PUM1: variants seen among roughly 807,000 people sequenced by gnomAD.
PUM1 encodes the protein pumilio RNA binding family member 1.
A neutral mutation model predicts 131.8 loss-of-function variants in PUM1; 13 were observed. The ratio of observed to expected loss-of-function variants is 0.10; its 90% CI spans 0.06 to 0.16. PUM1 has a LOEUF of 0.16. Among genes scored for constraint, PUM1 ranks in the 10% least tolerant of loss-of-function variants. The pLI is 1.00. For synonymous variants in PUM1, 509 were observed against 556.5 expected (o/e 0.91, Z 1.20); for missense variants, 961 against 1,512.4 (o/e 0.64, Z 6.05).
chr1:30,997,221 T>C (rs556373854), intron 5 of PUM1, among the ~76,000 whole-genome samples: 3 of 152,084 alleles, frequency 2.0e-5, no homozygotes, highest in East Asian at 1.9e-4. Context: ...TAGGCAAAAA[T>C]GGAAAGAAAG....
chr1:31,033,383 T>C (rs1251517166), intron 2 of PUM1, among the ~76,000 whole-genome samples: 7 of 64,868 alleles, frequency 1.1e-4, no homozygotes, highest in African/African-American at 3.3e-4. Flanking sequence ...TTTCTTTTTT[T>C]TTTTTTTTTT....
At chr1:30,977,166 T>C (rs1048990192) in intron 9 of PUM1, among the ~76,000 whole-genome samples, 1 of 152,190 alleles carries the variant, frequency 6.6e-6, no homozygotes, top group Admixed American at 6.5e-5. Context: ...TACTTTTCCT[T>C]TGGGGATGCT....
At chr1:30,935,612 C>A in intron 21 of PUM1, 1 of 456,728 alleles carries the variant, frequency 2.2e-6, no homozygotes, top group Non-Finnish European at 4.4e-6. Context: ...ACTCCCCCAG[C>A]CTTCAACTGC....
intron 3 of PUM1, among the ~76,000 whole-genome samples, chr1:31,010,318 G>C (rs968636139): frequency 2.0e-5 from 3 of 152,156 alleles, no homozygotes; most frequent in Non-Finnish European, 4.4e-5. Flanking sequence ...CTCATACCCT[G>C]AGTAATCCCC....
intron 15 of PUM1, among the ~76,000 whole-genome samples, chr1:30,952,998 C>A (rs544972479): frequency 6.7e-6 from 1 of 150,236 alleles, no homozygotes; most frequent in South Asian, 2.1e-4. Flanking sequence ...CAAAACAAAA[C>A]AAAACAAAAA....
chr1:30,980,288 G>A, intron 8 of PUM1, 125 bp from the exon 9 acceptor site: 2 of 761,718 alleles, frequency 2.6e-6, no homozygotes, highest in South Asian at 1.5e-5. Flanking sequence ...AGAGAAGACG[G>A]GACAGGTTGA....
intron 9 of PUM1, 61 bp downstream of exon 9, chr1:30,980,001 C>T (rs943463489): frequency 7.7e-6 from 9 of 1,164,510 alleles, no homozygotes; most frequent in Admixed American, 2.3e-5. Context: ...AAAGAATGCA[C>T]GCCCATCTCA....
At chr1:31,024,826 G>A (rs1157820945) in intron 3 of PUM1, among the ~76,000 whole-genome samples, 2 of 152,178 alleles carry the variant, frequency 1.3e-5, no homozygotes, top group African/African-American at 2.4e-5. Flanking sequence ...TAAAGGTGGA[G>A]CAAACAGGTT....
At chr1:30,996,778 G>C (rs1641993787) in intron 5 of PUM1, among the ~76,000 whole-genome samples, 1 of 152,190 alleles carries the variant, frequency 6.6e-6, no homozygotes, top group Non-Finnish European at 1.5e-5. Context: ...ATATGATAGG[G>C]TTCTAAAGGC....
At chr1:30,978,082 T>C (rs887032788) in intron 9 of PUM1, among the ~76,000 whole-genome samples, 3 of 151,994 alleles carry the variant, frequency 2.0e-5, no homozygotes, top group African/African-American at 7.2e-5. Context: ...CCATCTCTAC[T>C]AAAAATACAA....
At chr1:30,963,593 T>C (rs1042786803) in intron 14 of PUM1, among the ~76,000 whole-genome samples, 27 of 152,234 alleles carry the variant, frequency 1.8e-4, no homozygotes, top group Non-Finnish European at 3.4e-4. Context: ...TTCAGACTTC[T>C]CTTGAATCTT....
intron 3 of PUM1, among the ~76,000 whole-genome samples, chr1:31,017,197 T>C (rs886440711): frequency 1.3e-4 from 20 of 152,326 alleles, no homozygotes; most frequent in African/African-American, 4.8e-4. Flanking sequence ...GTAAAAGACA[T>C]TCTTTGCCCT....
intron 2 of PUM1, among the ~76,000 whole-genome samples, chr1:31,039,762 A>G (rs1643760554): frequency 6.6e-6 from 1 of 152,200 alleles, no homozygotes; most frequent in East Asian, 1.9e-4. Context: ...TTAGCCAGGC[A>G]TGGTGGCGCA....
chr1:30,989,028 C>CA lies in PUM1; in HGVS notation c.1158+3361dup, dbSNP rs201694804. 1.4e-3 allele frequency among the ~76,000 whole-genome samples: 219 copies of CA among 151,698 alleles called. 1 individual carries two copies. The highest frequency in any genetic ancestry group is 4.7e-3 in the African/African-American group (194 of 41,370). On this transcript the variant is annotated intron_variant, in intron 7 of 21. Transcript: ENST00000426105. ...ACTGCTGCTAAACTCACACTAACCA[C>CA]AAAAAAAACAAACTATAATAATTAA...
chr1:31,048,178 G>A (rs1015739034), intron 2 of PUM1, among the ~76,000 whole-genome samples: 19 of 151,596 alleles, frequency 1.3e-4, no homozygotes, highest in Middle Eastern at 3.2e-3. Context: ...GGCAGAGCTT[G>A]CAGTGAGCTG....
At chr1:31,016,968 C>T (rs1487779052) in intron 3 of PUM1, among the ~76,000 whole-genome samples, 1 of 152,166 alleles carries the variant, frequency 6.6e-6, no homozygotes, top group Non-Finnish European at 1.5e-5. Flanking sequence ...AATAACACTT[C>T]CTCCACTAAG....
intron 7 of PUM1, among the ~76,000 whole-genome samples, chr1:30,988,272 C>T (rs911691680): frequency 6.6e-6 from 1 of 152,166 alleles, no homozygotes; most frequent in Non-Finnish European, 1.5e-5. Flanking sequence ...TCACAGCTAA[C>T]AAGAACTAAG....
chr1:30,949,742 G>A (rs907433219), intron 17 of PUM1, among the ~76,000 whole-genome samples: 1 of 152,130 alleles, frequency 6.6e-6, no homozygotes, highest in African/African-American at 2.4e-5. Flanking sequence ...GATGTTGGTG[G>A]GATGAAAGAA....
At position 30,966,024 on chromosome 1, in the gene PUM1, C is replaced by T. The variant is rs1164159514; in HGVS notation, c.2044G>A (p.Gly682Ser). ...CCAAGGGCGGATCCCAGGGTGGCGC[C>T]GAGAGAACTGCTACTTCCGAATCCC... is the stretch of plus-strand genomic sequence containing the variant. ...SLGFGSSSSL[G>S]ATLGSALGGF... The change falls in exon 13 of 22, where the codon GGC becomes AGC. Residue 682 changes from glycine to serine, a missense_variant. Transcript: ENST00000426105. The T allele has an allele frequency of 8.7e-6, 14 of 1,614,012 alleles. No individual in the cohort carries two copies. Among genetic ancestry groups the T allele is most frequent in the South Asian group, 1.1e-5 (1 of 91,084 alleles).
Sources: gnomAD v4.1 joint callset for allele counts (sites outside exome capture counted in the v4.1 genomes callset) on GRCh38, gnomAD v4.1.1 for gene constraint, MANE v1.5 for transcripts, NCBI Gene and HGNC (gene_info 2026-07-23, HGNC 2026-07-21) for gene names.